RAB3GAP1: variants seen among roughly 807,000 people sequenced by gnomAD.
RAB3GAP1 encodes RAB3 GTPase activating protein catalytic subunit 1.
RAB3GAP1 carries 86 observed loss-of-function variants against 130.7 expected under a neutral mutation model. That is an observed-to-expected ratio of 0.66 (90% CI 0.55 to 0.79). RAB3GAP1 has a LOEUF of 0.79. Among genes scored for constraint, RAB3GAP1 ranks in the 30% least tolerant of loss-of-function variants. The pLI is 0.00. For missense variants in RAB3GAP1, 1,029 were observed against 1,169.4 expected, an observed-to-expected ratio of 0.88 and a Z score of 1.75; for synonymous variants, 367 against 401.7, an observed-to-expected ratio of 0.91 and a Z score of 1.03.
intron 7 of RAB3GAP1, among the ~76,000 whole-genome samples, chr2:135,117,702 TCTG>T (rs1558784695): frequency 3.4e-3 from 422 of 123,030 alleles, no homozygotes; most frequent in African/African-American, 0.012. Context: ...TTCTGCTTCT[TCTG>T]CTTCTGCTTC....
chr2:135,117,615 G>GCTTCTGCTT (rs1691043936), intron 7 of RAB3GAP1, among the ~76,000 whole-genome samples: 1 of 24,998 alleles, frequency 4.0e-5, no homozygotes, highest in Non-Finnish European at 9.0e-5. Flanking sequence ...TGCTTCTTCT[G>GCTTCTGCTT]CTTCTGCTTC....
chr2:135,127,329 TTTTGTTTG>T (rs75988598), intron 11 of RAB3GAP1, among the ~76,000 whole-genome samples: 28 of 150,954 alleles, frequency 1.9e-4, no homozygotes, highest in Admixed American at 4.6e-4. Context: ...AAGAGCACTG[TTTTGTTTG>T]TTTGTTTGTT....
rs550083196 is a variant in RAB3GAP1 at position 135,060,141 on chromosome 2, C to T, written c.150+2055C>T. Among the ~76,000 whole-genome samples, 55 of 151,944 alleles carry T rather than the reference C, an allele frequency of 3.6e-4. 1 individual carries two copies. In the South Asian group the frequency reaches 8.9e-3, roughly 25 times the overall value. ...TTAATGTCAACAATTAATACTTTGC[C>T]ATTTCTTGTTTGAGTGGTACCTCTG... On this transcript the variant is annotated intron_variant, in intron 3 of 23. Transcript: ENST00000264158.
chr2:135,110,873 C>G (rs1040616141), intron 5 of RAB3GAP1, among the ~76,000 whole-genome samples: 4 of 152,092 alleles, frequency 2.6e-5, no homozygotes, highest in African/African-American at 9.7e-5. Context: ...TGGAACATTT[C>G]TGGAAGAATA....
At chr2:135,058,562 A>G (rs1000715030) in intron 3 of RAB3GAP1, 4 of 152,606 alleles carry the variant, frequency 2.6e-5, no homozygotes, top group African/African-American at 9.6e-5. Flanking sequence ...TAATATCACT[A>G]ATAACATCCC....
At chr2:135,065,725 A>G (rs1014279745) in intron 3 of RAB3GAP1, among the ~76,000 whole-genome samples, 16 of 151,412 alleles carry the variant, frequency 1.1e-4, no homozygotes, top group African/African-American at 3.6e-4. Flanking sequence ...CTTTCGAACT[A>G]TGAAAGGATC....
intron 18 of RAB3GAP1, 73 bp downstream of exon 18, chr2:135,150,579 A>G: frequency 1.3e-6 from 2 of 1,576,876 alleles, no homozygotes; most frequent in Non-Finnish European, 1.7e-6. Flanking sequence ...ATCACTCTGT[A>G]AAGTGGTATA....
rs867119395 is a variant in RAB3GAP1, at chr2:135,069,006, G to A, written c.150+10920G>A. Among the ~76,000 whole-genome samples, 7 of 152,098 alleles carry A rather than the reference G, an allele frequency of 4.6e-5. No individual in the cohort carries two copies. The East Asian group carries it at 5.8e-4, about 13-fold the overall frequency. On this transcript the variant is annotated intron_variant, in intron 3 of 23. Transcript: ENST00000264158. ...AGTTAACAAAGCCATAATCATTTAC[G>A]GGAGATTTTGGCAGTTACATCTCTA... is the stretch of plus-strand genomic sequence containing the variant.
chr2:135,162,683 T>C, intron 20 of RAB3GAP1, 32 bp downstream of exon 20: 1 of 1,606,592 alleles, frequency 6.2e-7, no homozygotes, highest in South Asian at 1.1e-5. Context: ...TCATTAGTCA[T>C]TTCCAAAGTG....
chr2:135,149,194 G>T (rs2104975579), intron 17 of RAB3GAP1, among the ~76,000 whole-genome samples: 1 of 152,230 alleles, frequency 6.6e-6, no homozygotes, highest in African/African-American at 2.4e-5. Context: ...CCAATGAAAT[G>T]TAGCCCCTTC....
intron 3 of RAB3GAP1, among the ~76,000 whole-genome samples, chr2:135,080,022 C>A (rs112169936): frequency 0.06 from 8,978 of 148,582 alleles, 502 homozygotes; most frequent in African/African-American, 0.16. Context: ...GAGGCTGAGG[C>A]AGGAGAATGG....
At chr2:135,152,819 G>C (rs2104981645) in intron 18 of RAB3GAP1, 1 of 152,322 alleles carries the variant, frequency 6.6e-6, no homozygotes, top group African/African-American at 2.4e-5. Flanking sequence ...GACTCTACTA[G>C]TACATCACTG....
chr2:135,156,238 CA>C lies in RAB3GAP1; in HGVS notation c.2289+2363del, dbSNP rs1404328173. 1.2e-4 allele frequency among the ~76,000 whole-genome samples: 18 copies of C among 152,248 alleles called. No individual in the cohort carries two copies. The East Asian group carries it at 2.5e-3, about 21-fold the overall frequency. The stretch of plus-strand genomic sequence containing the variant: ...AAAGAACCAGGCCCAGATGGTTTCA[CA>C]GGGAAATTCAACTAAATATCAAGAA... On this transcript the variant is annotated intron_variant, in intron 19 of 23. Transcript: ENST00000264158.
intron 9 of RAB3GAP1, among the ~76,000 whole-genome samples, chr2:135,125,788 A>G (rs538808917): frequency 1.3e-5 from 2 of 152,258 alleles, no homozygotes; most frequent in African/African-American, 4.8e-5. Context: ...TTTTTTCTGG[A>G]ATTTTTCACT....
At chr2:135,139,709 T>G (rs2104958823) in intron 17 of RAB3GAP1, among the ~76,000 whole-genome samples, 1 of 152,276 alleles carries the variant, frequency 6.6e-6, no homozygotes, top group South Asian at 2.1e-4. Flanking sequence ...AGATGGAAAT[T>G]CTCTACATTC....
chr2:135,149,599 T>C (rs1024820491), intron 17 of RAB3GAP1, among the ~76,000 whole-genome samples: 2 of 152,206 alleles, frequency 1.3e-5, no homozygotes, highest in African/African-American at 4.8e-5. Context: ...TGATGCATGT[T>C]CATTGTAGAG....
At chr2:135,144,148 C>T (rs1691928936) in intron 17 of RAB3GAP1, among the ~76,000 whole-genome samples, 1 of 152,190 alleles carries the variant, frequency 6.6e-6, no homozygotes, top group Non-Finnish European at 1.5e-5. Flanking sequence ...TGCCCTAACC[C>T]ACTTGTGTTA....
At chr2:135,143,574 T>G (rs1200890128) in intron 17 of RAB3GAP1, among the ~76,000 whole-genome samples, 1 of 151,004 alleles carries the variant, frequency 6.6e-6, no homozygotes, top group Non-Finnish European at 1.5e-5. Context: ...TTTTTTTTTT[T>G]TGAGACGGAG....
At chr2:135,092,682 C>T (rs1464444302) in intron 4 of RAB3GAP1, among the ~76,000 whole-genome samples, 1 of 152,190 alleles carries the variant, frequency 6.6e-6, no homozygotes, top group Non-Finnish European at 1.5e-5. Context: ...AGGTGATCCA[C>T]CTGCCTCGGC....
Sources: gnomAD v4.1 joint callset for allele counts (sites outside exome capture counted in the v4.1 genomes callset) on GRCh38, gnomAD v4.1.1 for gene constraint, MANE v1.5 for transcripts, NCBI Gene and HGNC (gene_info 2026-07-23, HGNC 2026-07-21) for gene names.